Variants in NPNT observed in about 807,000 individuals in gnomAD.
The protein encoded by NPNT is nephronectin, also known as preosteoblast EGF-like repeat protein with MAM domain.
Under a neutral mutation model 68.6 loss-of-function variants are expected in NPNT, and 45 were observed. The ratio of observed to expected loss-of-function variants is 0.66; its 90% confidence interval spans 0.52 to 0.84. The LOEUF is 0.84. Among genes scored for constraint, NPNT ranks in the 40% least tolerant of loss-of-function variants. The pLI is 0.00. For synonymous variants in NPNT, 233 were observed against 253.3 expected, an observed-to-expected ratio of 0.92 and a Z score of 0.76; for missense variants, 672 against 714.8, an observed-to-expected ratio of 0.94 and a Z score of 0.68.
In NPNT at chr4:105,915,620, G is replaced by T. The variant is rs529175186; in HGVS notation, c.173-11716G>T. ...GTATTTGTAATGCTGGTTGTGAAAG[G>T]TGAAGAAGATGTAATCAAGATTACT... On this transcript the variant is annotated intron_variant, in intron 2 of 11. Transcript: ENST00000379987. Among the ~76,000 whole-genome samples, 7 of 152,288 alleles carry T rather than the reference G, an allele frequency of 4.6e-5. No individual in the cohort carries two copies. The East Asian group carries it at 1.2e-3, about 25-fold the overall frequency.
chr4:105,912,903 T>C (rs953457267), intron 2 of NPNT, among the ~76,000 whole-genome samples: 5 of 152,226 alleles, frequency 3.3e-5, no homozygotes, highest in Non-Finnish European at 7.3e-5. Flanking sequence ...AGCCTTGCTC[T>C]GTTGCCCAAG....
intron 10 of NPNT, among the ~76,000 whole-genome samples, chr4:105,960,045 C>T (rs575534193): frequency 5.9e-5 from 9 of 152,198 alleles, no homozygotes; most frequent in East Asian, 1.9e-4. Context: ...CTCCTGACCT[C>T]GTGATCTGCC....
chr4:105,965,579 G>A (rs780585380), intron 10 of NPNT, among the ~76,000 whole-genome samples: 6 of 152,200 alleles, frequency 3.9e-5, no homozygotes, highest in South Asian at 2.1e-4. Context: ...TTGTTTTCTC[G>A]AAACTTGCAG....
At chr4:105,927,776 G>A (rs748456622) in intron 3 of NPNT, among the ~76,000 whole-genome samples, 3 of 152,106 alleles carry the variant, frequency 2.0e-5, no homozygotes, top group Non-Finnish European at 4.4e-5. Flanking sequence ...CCCAGGTACT[G>A]CTTCCCTTTA....
intron 2 of NPNT, 70 bp from the exon 3 acceptor site, chr4:105,927,266 C>G: frequency 1.1e-6 from 1 of 922,582 alleles, no homozygotes; most frequent in Non-Finnish European, 1.7e-6. Flanking sequence ...TAAACTAGTG[C>G]ACGACATCAA....
chr4:105,967,445 G>A lies in NPNT; in HGVS notation c.1602+1G>A, dbSNP rs776559543. 6.1e-5 allele frequency: 95 copies of A among 1,559,962 alleles called. 1 individual carries two copies. The highest frequency in any genetic ancestry group is 7.7e-5 in the Non-Finnish European group (89 of 1,156,434). On this transcript the variant is annotated splice_donor_variant, in intron 11 of 11. Transcript: ENST00000379987. LOFTEE classifies it high-confidence loss of function. ...CTTGCGAGGGGCTGACATCAAGAGC[G>A]TAAGTAGATCCACAAAGGAGGCAGG...
intron 1 of NPNT, among the ~76,000 whole-genome samples, chr4:105,896,820 G>A (rs748637804): frequency 1.3e-5 from 2 of 152,186 alleles, no homozygotes; most frequent in African/African-American, 2.4e-5. Flanking sequence ...AAAGTTCGGG[G>A]TTATTTTGTA....
intron 10 of NPNT, among the ~76,000 whole-genome samples, chr4:105,959,527 T>TC (rs1024500324): frequency 1.2e-4 from 18 of 150,312 alleles, no homozygotes; most frequent in African/African-American, 1.7e-4. Flanking sequence ...TCTTTTCTTT[T>TC]TTTTTTTTTT....
chr4:105,960,012 C>T (rs141906793), intron 10 of NPNT, among the ~76,000 whole-genome samples: 14 of 151,878 alleles, frequency 9.2e-5, no homozygotes, highest in Admixed American at 7.2e-4. Flanking sequence ...AGGTTTCACC[C>T]TGTTAGCCAG....
intron 2 of NPNT, among the ~76,000 whole-genome samples, chr4:105,925,781 G>A (rs902430297): frequency 2.0e-4 from 30 of 152,042 alleles, no homozygotes; most frequent in South Asian, 4.1e-4. Context: ...AAACTATTTC[G>A]CTGGCCTTGC....
rs368112544 is a variant in NPNT at position 105,960,106 on chromosome 4, A to G, written c.1345+980A>G. On this transcript the variant is annotated intron_variant, in intron 10 of 11. Coordinates refer to ENST00000379987, the MANE Select transcript of NPNT (RefSeq NM_001033047.3). ...ATTACAGGCGTGAGCCACCGCGCCC[A>G]GCCAGAAGTTAAATCTTTTATGGAT... is the stretch of plus-strand genomic sequence containing the variant. Among the ~76,000 whole-genome samples, 48 of 152,328 alleles carry G rather than the reference A, an allele frequency of 3.2e-4. 1 individual carries two copies. The highest frequency in any genetic ancestry group is 1.9e-3 in the South Asian group (9 of 4,828).
intron 4 of NPNT, 111 bp from the exon 5 acceptor site, chr4:105,938,190 C>T: frequency 1.0e-6 from 1 of 1,002,846 alleles, no homozygotes. Flanking sequence ...GCCTCTTTGT[C>T]TTCATTGTTG....
intron 10 of NPNT, among the ~76,000 whole-genome samples, chr4:105,962,135 A>T (rs1185362045): frequency 6.6e-6 from 1 of 152,184 alleles, no homozygotes; most frequent in Non-Finnish European, 1.5e-5. Flanking sequence ...AGAAATATGG[A>T]CCATCTCTAT....
intron 2 of NPNT, among the ~76,000 whole-genome samples, chr4:105,920,104 A>G (rs1049047846): frequency 5.9e-5 from 9 of 151,986 alleles, no homozygotes; most frequent in Non-Finnish European, 1.5e-5. Context: ...GTAACCATAG[A>G]TTCTTTTTTT....
chr4:105,906,039 C>CA (rs1375794940), intron 2 of NPNT, among the ~76,000 whole-genome samples: 9 of 152,158 alleles, frequency 5.9e-5, no homozygotes, highest in Admixed American at 3.3e-4. Context: ...GGAATTCACA[C>CA]AATTAAAATA....
At chr4:105,936,101 G>A (rs947435932) in intron 3 of NPNT, among the ~76,000 whole-genome samples, 1 of 152,078 alleles carries the variant, frequency 6.6e-6, no homozygotes, top group African/African-American at 2.4e-5. Flanking sequence ...GTTCACTTGA[G>A]GCAGTGTTTA....
chr4:105,936,986 G>A, intron 3 of NPNT, 23 bp from the exon 4 acceptor site: 3 of 1,604,092 alleles, frequency 1.9e-6, no homozygotes, highest in Non-Finnish European at 2.6e-6. Flanking sequence ...TAATTTTTCT[G>A]CTTCAACCCA....
intron 2 of NPNT, among the ~76,000 whole-genome samples, chr4:105,907,045 T>C (rs1726957772): frequency 6.6e-6 from 1 of 152,158 alleles, no homozygotes; most frequent in Non-Finnish European, 1.5e-5. Flanking sequence ...GCTATAGGTG[T>C]TCCGGGGAGT....
chr4:105,925,086 A>T (rs374458094), intron 2 of NPNT, among the ~76,000 whole-genome samples: 1 of 152,058 alleles, frequency 6.6e-6, no homozygotes, highest in African/African-American at 2.4e-5. Flanking sequence ...AATTATGTAG[A>T]GTGGCTTACT....
Sources: allele counts gnomAD v4.1 joint callset (sites outside exome capture counted in the v4.1 genomes callset), GRCh38; gene constraint gnomAD v4.1.1; transcripts MANE v1.5; gene names NCBI Gene and HGNC (gene_info 2026-07-23, HGNC 2026-07-21).